The following DYRK1A variants were observed in gnomAD, a reference collection of about 807,000 sequenced individuals.
DYRK1A encodes dual specificity tyrosine-phosphorylation-regulated kinase 1A.
DYRK1A carries 9 observed loss-of-function variants against 79.7 expected under a neutral mutation model. The ratio of observed to expected loss-of-function variants is 0.11; its 90% CI spans 0.07 to 0.20. The LOEUF (loss-of-function observed/expected upper bound fraction) is 0.20, where lower values mean the gene tolerates loss of function less well. Among genes scored for constraint, DYRK1A ranks in the 10% least tolerant of loss-of-function variants. The pLI is 1.00. For synonymous variants in DYRK1A, 349 were observed against 329.7 expected, an observed-to-expected ratio of 1.06 and a Z score of -0.63; for missense variants, 622 against 956.0, an observed-to-expected ratio of 0.65 and a Z score of 4.61.
At chr21:37,403,646 AAAATAT>A (rs1443930358) in intron 1 of DYRK1A, among the ~76,000 whole-genome samples, 10 of 96,564 alleles carry the variant, frequency 1.0e-4, no homozygotes, top group African/African-American at 2.0e-4. Context: ...AAAAAAAAAA[AAAATAT>A]ATATATATAT....
intron 2 of DYRK1A, among the ~76,000 whole-genome samples, chr21:37,426,639 G>A (rs1202076155): frequency 6.6e-6 from 1 of 151,948 alleles, no homozygotes; most frequent in Non-Finnish European, 1.5e-5. Flanking sequence ...AGCCGGGTGT[G>A]GTGGCTCACG....
At chr21:37,414,146 G>A (rs1410917362) in intron 1 of DYRK1A, among the ~76,000 whole-genome samples, 1 of 152,126 alleles carries the variant, frequency 6.6e-6, no homozygotes, top group Non-Finnish European at 1.5e-5. Flanking sequence ...TTAGGTTGGT[G>A]CAAAGGTAAT....
chr21:37,366,731 C>A (rs897556600), upstream of DYRK1A, among the ~76,000 whole-genome samples: 1 of 151,938 alleles, frequency 6.6e-6, no homozygotes, highest in Admixed American at 6.5e-5. Context: ...GACGTCAGCA[C>A]GTCAGCCGGG....
At chr21:37,496,963 G>A (rs1046917930) in intron 9 of DYRK1A, among the ~76,000 whole-genome samples, 1 of 152,104 alleles carries the variant, frequency 6.6e-6, no homozygotes, top group African/African-American at 2.4e-5. Flanking sequence ...TTATAGATCT[G>A]TAAATAATCA....
intron 2 of DYRK1A, among the ~76,000 whole-genome samples, chr21:37,452,631 T>C (rs566342159): frequency 1.1e-4 from 17 of 152,194 alleles, no homozygotes; most frequent in Admixed American, 3.3e-4. Flanking sequence ...CCTATTTGCC[T>C]TCCCTGTCAT....
intron 2 of DYRK1A, among the ~76,000 whole-genome samples, chr21:37,427,822 T>C (rs2050669646): frequency 1.3e-5 from 2 of 152,010 alleles, no homozygotes; most frequent in South Asian, 2.1e-4. Context: ...TAACTCAATA[T>C]TTACATTTAC....
intron 8 of DYRK1A, 41 bp from the exon 9 acceptor site, chr21:37,496,077 A>T (rs1265062934): frequency 6.3e-7 from 1 of 1,582,194 alleles, no homozygotes; most frequent in Non-Finnish European, 8.6e-7. Context: ...GTAGATGTAC[A>T]GTAGAAATTA....
chr21:37,408,200 T>G (rs1024129473), intron 1 of DYRK1A, among the ~76,000 whole-genome samples: 8 of 152,268 alleles, frequency 5.3e-5, no homozygotes, highest in Non-Finnish European at 7.3e-5. Flanking sequence ...AAAGTGTCAC[T>G]GATTCTTTAA....
At chr21:37,438,291 TTGAAGATCTGATGTTTTCAATTTTTA>T (rs2050985684) in intron 2 of DYRK1A, among the ~76,000 whole-genome samples, 1 of 152,208 alleles carries the variant, frequency 6.6e-6, no homozygotes, top group African/African-American at 2.4e-5. Context: ...TAAAAGTGTC[TTGAAGATCTGATGTTTTCAATTTTTA>T]TGAAGCCTAA....
chr21:37,445,000 A>G (rs912253651), intron 2 of DYRK1A, among the ~76,000 whole-genome samples: 1 of 152,166 alleles, frequency 6.6e-6, no homozygotes, highest in Non-Finnish European at 1.5e-5. Context: ...ACAAATGAGA[A>G]AACTGGGACA....
intron 1 of DYRK1A, among the ~76,000 whole-genome samples, chr21:37,398,358 A>G (rs1181833145): frequency 6.6e-6 from 1 of 151,448 alleles, no homozygotes; most frequent in East Asian, 1.9e-4. Context: ...AAAAAAAAAT[A>G]AAAGTGCCGT....
intron 2 of DYRK1A, among the ~76,000 whole-genome samples, chr21:37,453,153 T>C (rs763451903): frequency 2.6e-5 from 4 of 152,194 alleles, no homozygotes; most frequent in Non-Finnish European, 5.9e-5. Flanking sequence ...AAATTAAACT[T>C]AAATATATTT....
intron 11 of DYRK1A, among the ~76,000 whole-genome samples, chr21:37,511,633 A>G: frequency 6.6e-6 from 1 of 152,222 alleles, no homozygotes; most frequent in East Asian, 1.9e-4. Flanking sequence ...GACCCCTGGC[A>G]TAAACAGGGC....
intron 2 of DYRK1A, among the ~76,000 whole-genome samples, chr21:37,422,208 A>C (rs1410669679): frequency 1.3e-5 from 2 of 152,040 alleles, no homozygotes; most frequent in East Asian, 3.8e-4. Flanking sequence ...AGAGGAAAAA[A>C]CCCAGGAAAG....
intron 1 of DYRK1A, among the ~76,000 whole-genome samples, chr21:37,388,100 ATT>A (rs34571307): frequency 3.5e-4 from 41 of 116,604 alleles, no homozygotes; most frequent in African/African-American, 7.1e-4. Context: ...CTTCCCTTTG[ATT>A]TTTTTTTTTT....
At chr21:37,493,896 C>G (rs1326711349) in intron 8 of DYRK1A, among the ~76,000 whole-genome samples, 1 of 149,932 alleles carries the variant, frequency 6.7e-6, no homozygotes, top group Non-Finnish European at 1.5e-5. Context: ...TAGGTGGTGT[C>G]AGAAACTTGT....
rs1452761964 is a variant in DYRK1A at position 37,524,195 on chromosome 21, A to AGTGGGTGGGATTTG, written c.*11665_*11666insTGGGTGGGATTTGG. 1 of 152,094 alleles carries AGTGGGTGGGATTTG rather than the reference A, an allele frequency of 6.6e-6. No homozygotes were observed. The highest frequency in any genetic ancestry group is 1.9e-4 in the East Asian group (1 of 5,186). The allele number at this position is 152,094 out of a possible 1,614,324, so 9.4% of individuals were successfully genotyped here. A position where few individuals can be genotyped will look rare whatever the true frequency, so the allele number is the denominator to read the frequency against. Reference sequence around the variant, plus strand: ...GTAATCCCAACGATTTGGGTGGCTGAGGTGGGAGAATCACTTGAACCCAGG... The same window carrying AGTGGGTGGGATTTG: ...GTAATCCCAACGATTTGGGTGGCTGAGTGGGTGGGATTTGGGTGGGAGAATCACTTGAACCCAGG... On this transcript the variant is annotated 3_prime_UTR_variant, in exon 12 of 12. Coordinates refer to ENST00000647188, the MANE Select transcript of DYRK1A (RefSeq NM_001347721.2).
At position 37,514,694 on chromosome 21, in the gene DYRK1A, G is replaced by C. The variant is rs1451677113; in HGVS notation, c.*2163G>C. The stretch of plus-strand genomic sequence containing the variant: ...TATTTTGTAATTAACTGTCAAGCCT[G>C]TGGATGATTTTTTTGAACTTGGTAG... On this transcript the variant is annotated 3_prime_UTR_variant, in exon 12 of 12. Coordinates refer to ENST00000647188, the MANE Select transcript of DYRK1A (RefSeq NM_001347721.2). 3.9e-5 allele frequency: 6 copies of C among 152,624 alleles called. No homozygotes were observed. Among genetic ancestry groups the C allele is most frequent in the African/African-American group, 1.4e-4 (6 of 41,452 alleles). 9.5% of individuals were successfully genotyped at this position (152,624 alleles called of 1,614,324 possible). A position where few individuals can be genotyped will look rare whatever the true frequency, so the allele number is the denominator to read the frequency against.
intron 2 of DYRK1A, among the ~76,000 whole-genome samples, chr21:37,454,931 T>G (rs904431106): frequency 6.6e-5 from 10 of 152,152 alleles, no homozygotes; most frequent in Admixed American, 5.9e-4. Flanking sequence ...TGGGACAGCT[T>G]TATATTCCTG....
Sources: gnomAD v4.1 joint callset for allele counts (sites outside exome capture counted in the v4.1 genomes callset) on GRCh38, gnomAD v4.1.1 for gene constraint, MANE v1.5 for transcripts, NCBI Gene and HGNC (gene_info 2026-07-23, HGNC 2026-07-21) for gene names.